ANXA10: variants seen among roughly 807,000 people sequenced by gnomAD.
The protein encoded by ANXA10 is annexin 14.
A neutral mutation model predicts 53.5 loss-of-function variants in ANXA10; 49 were observed. The observed-to-expected ratio is 0.92, with a 90% confidence interval of 0.73 to 1.16. The LOEUF is 1.16. Ranked by LOEUF, ANXA10 falls within the 50% of genes most tolerant of loss-of-function variation. The probability of loss-of-function intolerance (pLI) is 0.00; values close to 1 mark genes in which losing one functional copy is unlikely to be tolerated. For synonymous variants in ANXA10, 131 were observed against 128.9 expected, an observed-to-expected ratio of 1.02 and a Z score of -0.11; for missense variants, 393 against 394.4, an observed-to-expected ratio of 1.00 and a Z score of 0.03.
intron 1 of ANXA10, among the ~76,000 whole-genome samples, chr4:168,109,273 C>T (rs1183819856): frequency 2.0e-5 from 3 of 152,068 alleles, no homozygotes; most frequent in African/African-American, 7.2e-5. Flanking sequence ...TTCAACATAC[C>T]ATATTTATTC....
At chr4:168,171,402 A>T (rs1006972715) in intron 6 of ANXA10, among the ~76,000 whole-genome samples, 94 of 152,196 alleles carry the variant, frequency 6.2e-4, no homozygotes, top group Non-Finnish European at 2.6e-4. Flanking sequence ...ATATTCTCCA[A>T]TTCTTTGGTT....
At chr4:168,162,666 C>A in intron 4 of ANXA10, 25 bp downstream of exon 4, 1 of 1,587,436 alleles carries the variant, frequency 6.3e-7, no homozygotes, top group Non-Finnish European at 8.7e-7. Flanking sequence ...CAAAAATATG[C>A]CTGTAACAAG....
chr4:168,121,407 T>C (rs1343550705), intron 1 of ANXA10, among the ~76,000 whole-genome samples: 2 of 152,180 alleles, frequency 1.3e-5, no homozygotes, highest in Admixed American at 6.5e-5. Flanking sequence ...ATGTTAGCCG[T>C]TTATTTTAAC....
chr4:168,150,811 C>T (rs2319703), intron 3 of ANXA10, among the ~76,000 whole-genome samples: 12,740 of 152,074 alleles, frequency 0.084, 912 homozygotes, highest in African/African-American at 0.21. Flanking sequence ...AACCACTAAG[C>T]GGTCAGTGGT....
intron 6 of ANXA10, among the ~76,000 whole-genome samples, chr4:168,169,430 G>A (rs1731942269): frequency 6.6e-6 from 1 of 152,130 alleles, no homozygotes; most frequent in Non-Finnish European, 1.5e-5. Context: ...TTAGTAGGAA[G>A]AAAATTATTT....
intron 6 of ANXA10, among the ~76,000 whole-genome samples, chr4:168,168,953 A>G (rs1233407580): frequency 6.6e-6 from 1 of 152,202 alleles, no homozygotes; most frequent in Non-Finnish European, 1.5e-5. Context: ...GTTTGGCTAC[A>G]TAGTTCATAA....
chr4:168,151,405 T>G (rs902287143), intron 3 of ANXA10, among the ~76,000 whole-genome samples: 7 of 152,336 alleles, frequency 4.6e-5, no homozygotes, highest in Non-Finnish European at 8.8e-5. Flanking sequence ...TGCCATTTTA[T>G]TTTTAATTTA....
At chr4:168,137,212 G>T (rs143318032) in intron 2 of ANXA10, among the ~76,000 whole-genome samples, 1 of 152,326 alleles carries the variant, frequency 6.6e-6, no homozygotes, top group East Asian at 1.9e-4. Context: ...AGTGGAGTAA[G>T]AGCTGATTGA....
At chr4:168,110,896 A>T (rs958464879) in intron 1 of ANXA10, among the ~76,000 whole-genome samples, 7 of 152,326 alleles carry the variant, frequency 4.6e-5, no homozygotes, top group Admixed American at 6.5e-5. Context: ...GTGTACAAAA[A>T]GGAGGAAAGT....
intron 3 of ANXA10, among the ~76,000 whole-genome samples, chr4:168,143,226 C>G (rs1323372339): frequency 6.6e-6 from 1 of 152,180 alleles, no homozygotes; most frequent in Non-Finnish European, 1.5e-5. Flanking sequence ...ACTTCTTCCA[C>G]CTGGCCAAGG....
intron 3 of ANXA10, among the ~76,000 whole-genome samples, chr4:168,155,656 T>A (rs1307151347): frequency 1.4e-5 from 1 of 71,516 alleles, no homozygotes; most frequent in East Asian, 4.6e-4. Context: ...ATACATTATA[T>A]AGTATATTAT....
chr4:168,181,999 A>G (rs985933103), intron 10 of ANXA10, among the ~76,000 whole-genome samples: 2 of 152,222 alleles, frequency 1.3e-5, no homozygotes, highest in African/African-American at 4.8e-5. Context: ...AGATTATTTA[A>G]TATCTGCAGA....
At position 168,177,922 on chromosome 4, in the gene ANXA10, G is replaced by A. The variant is rs1409435756; in HGVS notation, c.567G>A (p.Gly189=). Residue 189 remains glycine, a synonymous_variant, in exon 8 of 12, where the codon GGG becomes GGA. Transcript: ENST00000359299. ...VLWEACQQKT[G]EHKTMLQMIL... ...GGGAAGCCTGTCAGCAGAAGACGGG[G>A]GAGCACAAAACCATGCTGCAAATGA... The A allele has an allele frequency of 3.7e-6, 6 of 1,614,038 alleles. No homozygotes were observed. Among genetic ancestry groups the A allele is most frequent in the Non-Finnish European group, 4.2e-6 (5 of 1,180,030 alleles).
chr4:168,128,127 T>C lies in ANXA10; in HGVS notation c.62T>C (p.Met21Thr), dbSNP rs1328859064. 2 of 1,613,546 alleles carry C rather than the reference T, an allele frequency of 1.2e-6. No individual in the cohort carries two copies. Among genetic ancestry groups the C allele is most frequent in the Non-Finnish European group, 1.7e-6 (2 of 1,179,762 alleles). ...IFPAPNFNPI[M>T]DAQMLGGALQ... The stretch of plus-strand genomic sequence containing the variant: ...CCAGCTCCCAATTTCAATCCCATAA[T>C]GGATGCCCAAATGCTAGGAGGAGCA... Residue 21 changes from methionine to threonine, a missense_variant, in exon 2 of 12, where the codon ATG becomes ACG. Coordinates refer to ENST00000359299, the MANE Select transcript of ANXA10 (RefSeq NM_007193.5).
chr4:168,183,637 A>C (rs1031607979), intron 10 of ANXA10, among the ~76,000 whole-genome samples: 1 of 152,218 alleles, frequency 6.6e-6, no homozygotes, highest in African/African-American at 2.4e-5. Flanking sequence ...GGTACGGAGA[A>C]GGATTGTATA....
At chr4:168,146,209 T>G (rs890528780) in intron 3 of ANXA10, among the ~76,000 whole-genome samples, 2 of 152,152 alleles carry the variant, frequency 1.3e-5, no homozygotes, top group Non-Finnish European at 2.9e-5. Context: ...ATGCCTGGCC[T>G]TGAGTGGCAT....
intron 1 of ANXA10, among the ~76,000 whole-genome samples, chr4:168,106,354 C>A (rs1730719943): frequency 6.6e-6 from 1 of 151,976 alleles, no homozygotes; most frequent in Non-Finnish European, 1.5e-5. Context: ...CTGTAAAAAT[C>A]TTAAAGTTTT....
intron 2 of ANXA10, among the ~76,000 whole-genome samples, chr4:168,131,746 C>A (rs1407412794): frequency 6.6e-6 from 1 of 151,828 alleles, no homozygotes; most frequent in South Asian, 2.1e-4. Context: ...TTGTAATAAC[C>A]CTTTTATTCC....
At chr4:168,165,574 TATAA>T (rs1364630288) in intron 6 of ANXA10, among the ~76,000 whole-genome samples, 3 of 152,252 alleles carry the variant, frequency 2.0e-5, no homozygotes, top group South Asian at 4.1e-4. Context: ...CTAAAGAGAT[TATAA>T]ATATACATGT....
Sources: gnomAD v4.1 joint callset for allele counts (sites outside exome capture counted in the v4.1 genomes callset) on GRCh38, gnomAD v4.1.1 for gene constraint, MANE v1.5 for transcripts, NCBI Gene and HGNC (gene_info 2026-07-23, HGNC 2026-07-21) for gene names.